The following FSTL4 variants were observed in gnomAD, a reference collection of about 807,000 sequenced individuals.
FSTL4 encodes follistatin-related protein 4.
FSTL4 carries 28 observed loss-of-function variants against 78.2 expected under a neutral mutation model. The observed-to-expected ratio is 0.36, with a 90% CI of 0.27 to 0.49. FSTL4 has a LOEUF of 0.49. FSTL4 is among the 20% of genes least tolerant of loss of function. The probability of loss-of-function intolerance (pLI) is 0.98; values close to 1 mark genes in which losing one functional copy is unlikely to be tolerated. For missense variants in FSTL4, 922 were observed against 1,084.9 expected (o/e 0.85, Z 2.11); for synonymous variants, 422 against 440.5 (o/e 0.96, Z 0.53).
chr5:133,221,904 T>TTGTTTTTTG (rs1561626741), intron 11 of FSTL4, among the ~76,000 whole-genome samples: 1 of 106,178 alleles, frequency 9.4e-6, no homozygotes, highest in African/African-American at 4.9e-5. Flanking sequence ...TTTTTTTTTT[T>TTGTTTTTTG]TTTTTTTTTT....
chr5:133,423,139 A>C (rs185346845), intron 3 of FSTL4, among the ~76,000 whole-genome samples: 2 of 152,244 alleles, frequency 1.3e-5, no homozygotes, highest in African/African-American at 2.4e-5. Flanking sequence ...CTGTCACAAC[A>C]GGTTGGAGCT....
chr5:133,797,083 A>G, the FSTL4 span, among the ~76,000 whole-genome samples: 1 of 152,214 alleles, frequency 6.6e-6, no homozygotes, highest in African/African-American at 2.4e-5. Flanking sequence ...CTGAGCCAAT[A>G]TGAGTGACCA....
chr5:133,213,504 A>T (rs923283792), intron 13 of FSTL4, among the ~76,000 whole-genome samples: 1 of 152,198 alleles, frequency 6.6e-6, no homozygotes, highest in Non-Finnish European at 1.5e-5. Flanking sequence ...AGTAAGGGGG[A>T]GGAGGGTTGA....
chr5:133,353,456 C>T (rs1387894480), intron 4 of FSTL4, among the ~76,000 whole-genome samples: 2 of 152,172 alleles, frequency 1.3e-5, no homozygotes, highest in African/African-American at 4.8e-5. Flanking sequence ...CCTTCCACAC[C>T]CCCAAAAGAG....
chr5:133,833,076 T>C, the FSTL4 span, among the ~76,000 whole-genome samples: 4 of 152,214 alleles, frequency 2.6e-5, no homozygotes, highest in Admixed American at 2.0e-4. Flanking sequence ...CTGCCATAAA[T>C]AAAATCAGTG....
the FSTL4 span, among the ~76,000 whole-genome samples, chr5:133,746,212 G>T: frequency 1.3e-5 from 2 of 152,172 alleles, no homozygotes; most frequent in African/African-American, 4.8e-5. Context: ...TTTGAGATCT[G>T]CAAATCATGG....
At chr5:133,427,613 TA>T in intron 3 of FSTL4, 1 of 492,324 alleles carries the variant, frequency 2.0e-6, no homozygotes, top group Non-Finnish European at 4.2e-6. Context: ...GCGATAGGGG[TA>T]AAAATGCAGA....
intron 2 of FSTL4, among the ~76,000 whole-genome samples, chr5:133,577,509 T>C (rs1031985937): frequency 9.9e-5 from 15 of 152,268 alleles, no homozygotes; most frequent in African/African-American, 2.9e-4. Flanking sequence ...TTTAGGGGCT[T>C]AGATAGCTGA....
chr5:133,569,124 G>A (rs1760094072), intron 2 of FSTL4, among the ~76,000 whole-genome samples: 1 of 152,090 alleles, frequency 6.6e-6, no homozygotes, highest in African/African-American at 2.4e-5. Context: ...TTTATAACCA[G>A]CTTCTTGGTT....
intron 3 of FSTL4, among the ~76,000 whole-genome samples, chr5:133,560,615 C>T (rs573228841): frequency 2.0e-5 from 3 of 152,136 alleles, no homozygotes; most frequent in South Asian, 2.1e-4. Flanking sequence ...CTGGCCACCT[C>T]GGCCTCCCAA....
At chr5:133,760,752 GA>G in the FSTL4 span, among the ~76,000 whole-genome samples, 1 of 152,090 alleles carries the variant, frequency 6.6e-6, no homozygotes, top group Non-Finnish European at 1.5e-5. Context: ...AGGAAGAGGG[GA>G]AAAACCTAGA....
rs1371421544 is a variant in FSTL4, at chr5:133,338,374, C to A, written c.410-21722G>T. Among the ~76,000 whole-genome samples, 1 of 152,158 alleles carries A rather than the reference C, an allele frequency of 6.6e-6. No homozygotes were observed. The highest frequency in any genetic ancestry group is 1.5e-5 in the Non-Finnish European group (1 of 68,022). The stretch of plus-strand genomic sequence containing the variant: ...GCCTCCACCATGCTCCATCTTCCCA[C>A]CCTGGTGTTCTCAGGCCCTTTTAAA... On this transcript the variant is annotated intron_variant, in intron 4 of 15. Coordinates refer to ENST00000265342, the MANE Select transcript of FSTL4 (RefSeq NM_015082.2). The surrounding 1 kb of genome is among the most constrained non-coding windows in gnomAD (Gnocchi z 4.0).
At chr5:133,656,022 C>T in the FSTL4 span, among the ~76,000 whole-genome samples, 1 of 152,176 alleles carries the variant, frequency 6.6e-6, no homozygotes, top group Non-Finnish European at 1.5e-5. Flanking sequence ...CTATGCTGTG[C>T]TGATTCTCTT....
chr5:133,644,438 G>C, the FSTL4 span, among the ~76,000 whole-genome samples: 1 of 151,998 alleles, frequency 6.6e-6, no homozygotes, highest in Admixed American at 6.6e-5. Flanking sequence ...TTTAGCCCCT[G>C]CTCTCTGCAA....
At chr5:133,748,448 G>A in the FSTL4 span, among the ~76,000 whole-genome samples, 1 of 151,812 alleles carries the variant, frequency 6.6e-6, no homozygotes, top group Non-Finnish European at 1.5e-5. Context: ...GTGTATCCCT[G>A]TAATCCCAGC....
At chr5:133,761,182 A>G in the FSTL4 span, among the ~76,000 whole-genome samples, 2 of 152,258 alleles carry the variant, frequency 1.3e-5, no homozygotes, top group Admixed American at 6.5e-5. Flanking sequence ...GATCAAATAG[A>G]AAATACTATT....
chr5:133,647,004 T>C, the FSTL4 span, among the ~76,000 whole-genome samples: 4 of 152,238 alleles, frequency 2.6e-5, no homozygotes, highest in East Asian at 7.7e-4. Flanking sequence ...AAAAACAACA[T>C]AATAAGGAGC....
chr5:133,637,583 C>T, the FSTL4 span, among the ~76,000 whole-genome samples: 1 of 151,928 alleles, frequency 6.6e-6, no homozygotes, highest in Non-Finnish European at 1.5e-5. Context: ...CATTGCACTC[C>T]TGGTTTTCTT....
At chr5:133,733,519 G>C in the FSTL4 span, among the ~76,000 whole-genome samples, 1 of 152,204 alleles carries the variant, frequency 6.6e-6, no homozygotes, top group Non-Finnish European at 1.5e-5. Flanking sequence ...AGAAGAGCTA[G>C]TTAAATGACA....
Sources: gnomAD v4.1 joint callset for allele counts (sites outside exome capture counted in the v4.1 genomes callset) on GRCh38, gnomAD v4.1.1 for gene constraint, Gnocchi (gnomAD v3.1) non-coding constraint, MANE v1.5 for transcripts, NCBI Gene and HGNC (gene_info 2026-07-23, HGNC 2026-07-21) for gene names.